EXOC6B: variants seen among roughly 807,000 people sequenced by gnomAD.
EXOC6B encodes exocyst complex component 6B, also known as SEC15 homolog B.
A neutral mutation model predicts 113.5 loss-of-function variants in EXOC6B; 54 were observed. The ratio of observed to expected loss-of-function variants is 0.48; its 90% CI spans 0.38 to 0.60. The LOEUF is 0.60. Ranked by LOEUF, EXOC6B falls within the 20% of genes least tolerant of loss-of-function variation. EXOC6B has a pLI of 0.00. For synonymous variants in EXOC6B, 357 were observed against 339.0 expected, an observed-to-expected ratio of 1.05 and a Z score of -0.58; for missense variants, 797 against 977.5, an observed-to-expected ratio of 0.82 and a Z score of 2.46.
chr2:72,319,330 C>G lies in EXOC6B; in HGVS notation c.2196+15617G>C, dbSNP rs76736042. 3.8e-3 allele frequency among the ~76,000 whole-genome samples: 582 copies of G among 152,246 alleles called. 10 individuals carry two copies. Among genetic ancestry groups the G allele is most frequent in the African/African-American group, 0.014 (569 of 41,534 alleles). On this transcript the variant is annotated intron_variant, in intron 20 of 21. Coordinates refer to ENST00000272427, the MANE Select transcript of EXOC6B (RefSeq NM_015189.3). Reference sequence around the variant, plus strand: ...AAAAGACTGAATACTCCCCCACCCACTAAGATCACAAACAAGGCAATGATA... The same window carrying G: ...AAAAGACTGAATACTCCCCCACCCAGTAAGATCACAAACAAGGCAATGATA...
chr2:72,579,639 C>T (rs13404905), intron 6 of EXOC6B, among the ~76,000 whole-genome samples: 81 of 152,264 alleles, frequency 5.3e-4, no homozygotes, highest in African/African-American at 1.8e-3. Context: ...TATGAGGCAT[C>T]TTACACAGGC....
chr2:72,750,700 A>G (rs1681984269), intron 1 of EXOC6B, among the ~76,000 whole-genome samples: 1 of 152,166 alleles, frequency 6.6e-6, no homozygotes, highest in Admixed American at 6.6e-5. Flanking sequence ...AGGGAGGTCT[A>G]CACTCATACT....
intron 20 of EXOC6B, among the ~76,000 whole-genome samples, chr2:72,249,701 A>G (rs766110933): frequency 2.0e-5 from 3 of 152,182 alleles, no homozygotes; most frequent in Non-Finnish European, 4.4e-5. Context: ...TATTTTCACT[A>G]TCACTACCCA....
intron 16 of EXOC6B, among the ~76,000 whole-genome samples, chr2:72,485,354 C>G (rs1399552342): frequency 2.0e-5 from 3 of 152,204 alleles, no homozygotes; most frequent in Non-Finnish European, 4.4e-5. Context: ...GTACAATAAA[C>G]CTTCAACAGG....
intron 6 of EXOC6B, among the ~76,000 whole-genome samples, chr2:72,588,785 G>GT (rs1372652781): frequency 6.6e-6 from 1 of 151,932 alleles, no homozygotes; most frequent in Admixed American, 6.5e-5. Context: ...GGATGAGGAG[G>GT]TATTTGTACT....
chr2:72,746,966 T>G (rs1208925235), intron 1 of EXOC6B, among the ~76,000 whole-genome samples: 2 of 151,988 alleles, frequency 1.3e-5, no homozygotes, highest in Non-Finnish European at 2.9e-5. Flanking sequence ...TAATCAAAAT[T>G]AATTGCTTGC....
intron 6 of EXOC6B, among the ~76,000 whole-genome samples, chr2:72,686,500 G>A (rs2104569026): frequency 6.6e-6 from 1 of 152,254 alleles, no homozygotes; most frequent in African/African-American, 2.4e-5. Flanking sequence ...AACAACTTAT[G>A]AATAAGGTAC....
chr2:72,643,837 A>AAAAG (rs1244241374), intron 6 of EXOC6B, among the ~76,000 whole-genome samples: 1 of 151,568 alleles, frequency 6.6e-6, no homozygotes, highest in Non-Finnish European at 1.5e-5. Flanking sequence ...AAATAAATAA[A>AAAAG]AAAGAAATGA....
chr2:72,448,023 G>C, intron 18 of EXOC6B, among the ~76,000 whole-genome samples: 1 of 152,094 alleles, frequency 6.6e-6, no homozygotes, highest in Middle Eastern at 3.4e-3. Context: ...GTAACTTCCC[G>C]TATTCATTTA....
At chr2:72,400,149 C>A (rs1693042438) in intron 18 of EXOC6B, among the ~76,000 whole-genome samples, 1 of 152,100 alleles carries the variant, frequency 6.6e-6, no homozygotes, top group South Asian at 2.1e-4. Flanking sequence ...ACCAACTGAT[C>A]TTCAACAAAC....
intron 6 of EXOC6B, among the ~76,000 whole-genome samples, chr2:72,636,138 G>A (rs988394701): frequency 2.6e-5 from 4 of 152,040 alleles, no homozygotes; most frequent in African/African-American, 9.7e-5. Flanking sequence ...CAGGAGGATG[G>A]CTTGACCTCA....
At chr2:72,503,882 TG>T (rs10712432) in intron 11 of EXOC6B, among the ~76,000 whole-genome samples, 95,206 of 151,904 alleles carry the variant, frequency 0.63, 35,153 homozygotes, top group East Asian at 0.99. Flanking sequence ...TGGATTTCCT[TG>T]ATGACATAGG....
At chr2:72,189,127 C>T (rs1050185347) in intron 20 of EXOC6B, among the ~76,000 whole-genome samples, 1 of 152,078 alleles carries the variant, frequency 6.6e-6, no homozygotes, top group Non-Finnish European at 1.5e-5. Flanking sequence ...TCCTTTATAG[C>T]CTCTTTTATT....
chr2:72,318,949 A>G (rs533518851), intron 20 of EXOC6B, among the ~76,000 whole-genome samples: 1 of 151,798 alleles, frequency 6.6e-6, no homozygotes, highest in Non-Finnish European at 1.5e-5. Flanking sequence ...TTGGGCTTCT[A>G]TAAAACTGAT....
chr2:72,813,182 T>C (rs1686019230), intron 1 of EXOC6B, among the ~76,000 whole-genome samples: 1 of 152,154 alleles, frequency 6.6e-6, no homozygotes, highest in African/African-American at 2.4e-5. Context: ...CTCAACCTCC[T>C]GGGCTCAGGT....
At chr2:72,493,319 T>TTCC (rs1699850673) in intron 15 of EXOC6B, among the ~76,000 whole-genome samples, 22 of 114,920 alleles carry the variant, frequency 1.9e-4, no homozygotes, top group African/African-American at 3.6e-4. Context: ...TCTGTTTTTC[T>TTCC]CCCCCCCCCC....
rs186853145 is a variant in EXOC6B, at chr2:72,513,023, C to T, written c.1167+109G>A. On this transcript the variant is annotated intron_variant, in intron 11 of 21. Coordinates refer to ENST00000272427, the MANE Select transcript of EXOC6B (RefSeq NM_015189.3). Reference sequence around the variant, plus strand: ...ATGTCTTTGAAGGACATCTATAGCTCCAAGTGAGTGATTCCAAAGACATAC... The same window carrying T: ...ATGTCTTTGAAGGACATCTATAGCTTCAAGTGAGTGATTCCAAAGACATAC... The T allele has an allele frequency of 3.1e-4, 397 of 1,286,734 alleles. No individual in the cohort carries two copies. In the African/African-American group the frequency reaches 4.8e-3, roughly 16 times the overall value. The allele number at this position is 1,286,734 out of a possible 1,614,324, so 79.7% of individuals were successfully genotyped here.
In EXOC6B at chr2:72,646,735, C is replaced by T. The variant is rs541570325; in HGVS notation, c.670-71067G>A. On this transcript the variant is annotated intron_variant, in intron 6 of 21. Transcript: ENST00000272427. ...TCTCAATAGATGCAGAAAAGGCCTT[C>T]GACAAAATTCAACAGCCCTTTATGA... Among the ~76,000 whole-genome samples the T allele has an allele frequency of 9.3e-4, 141 of 152,104 alleles. 1 individual carries two copies. Among genetic ancestry groups the T allele is most frequent in the Middle Eastern group, 3.4e-3 (1 of 294 alleles).
At chr2:72,446,511 T>C (rs1696591605) in intron 18 of EXOC6B, among the ~76,000 whole-genome samples, 3 of 152,184 alleles carry the variant, frequency 2.0e-5, no homozygotes, top group African/African-American at 7.2e-5. Context: ...CTTACCAAAC[T>C]AAAGCAGGAA....
Sources: gnomAD v4.1 joint callset for allele counts (sites outside exome capture counted in the v4.1 genomes callset) on GRCh38, gnomAD v4.1.1 for gene constraint, MANE v1.5 for transcripts, NCBI Gene and HGNC (gene_info 2026-07-23, HGNC 2026-07-21) for gene names.